Variants in ANO1 observed in about 807,000 individuals in gnomAD.
ANO1 encodes anoctamin-1.
ANO1 carries 59 observed loss-of-function variants against 124.0 expected under a neutral mutation model. The ratio of observed to expected loss-of-function variants is 0.48; its 90% CI spans 0.39 to 0.59. The LOEUF (loss-of-function observed/expected upper bound fraction) is 0.59, where lower values mean the gene tolerates loss of function less well. Ranked by LOEUF, ANO1 falls within the 20% of genes least tolerant of loss-of-function variation. ANO1 has a pLI of 0.00. For synonymous variants in ANO1, 529 were observed against 532.0 expected (o/e 0.99, Z 0.08); for missense variants, 1,059 against 1,328.0 (o/e 0.80, Z 3.15).
intron 1 of ANO1, among the ~76,000 whole-genome samples, chr11:69,989,636 G>A (rs1170106192): frequency 6.6e-6 from 1 of 152,124 alleles, no homozygotes; most frequent in Non-Finnish European, 1.5e-5. Flanking sequence ...GTAGGGTTTG[G>A]AGCAGGGAAG....
intron 1 of ANO1, among the ~76,000 whole-genome samples, chr11:69,987,600 G>T (rs1856069789): frequency 9.8e-6 from 1 of 102,368 alleles, no homozygotes; most frequent in Admixed American, 1.2e-4. Context: ...GCAAGACCAT[G>T]TCTCAAAAAA....
In ANO1 at chr11:69,986,687, C is replaced by T. The variant is rs528453769; in HGVS notation, c.58+521C>T. On this transcript the variant is annotated intron_variant, in intron 1 of 27. Coordinates refer to the ANO1 transcript ENST00000531349. ...CTTAGAGAGCCGGAGACAAATGAGG[C>T]CTGGACGCTAGGCCGGAGGGGGAGT... is the stretch of plus-strand genomic sequence containing the variant. Among the ~76,000 whole-genome samples the T allele has an allele frequency of 5.5e-4, 84 of 152,216 alleles. 1 individual carries two copies. The highest frequency in any genetic ancestry group is 2.0e-3 in the African/African-American group (82 of 41,536).
chr11:70,170,278 C>T (rs536306090), intron 21 of ANO1: 22 of 396,118 alleles, frequency 5.6e-5, no homozygotes, highest in South Asian at 1.8e-4. Context: ...TTTGAGCTCA[C>T]GATGGTCCTT....
rs1267814420 is a variant in ANO1 at position 70,155,832 on chromosome 11, C to T, written c.1426-79C>T. ...GGCCAGCCTGCTGCCAAGATGGGGA[C>T]GGTTCCCTGGGCCCCGCGGTCTGCG... On this transcript the variant is annotated intron_variant, in intron 14 of 25. Transcript: ENST00000355303. 26 of 1,337,650 alleles carry T rather than the reference C, an allele frequency of 1.9e-5. No homozygotes were observed. In the South Asian group the frequency reaches 2.9e-4, roughly 15 times the overall value. 82.9% of individuals were successfully genotyped at this position (1,337,650 alleles called of 1,614,324 possible).
the ANO1 span, among the ~76,000 whole-genome samples, chr11:69,979,534 T>C: frequency 6.6e-6 from 1 of 152,120 alleles, no homozygotes; most frequent in Admixed American, 6.6e-5. Context: ...ATAAAAATAA[T>C]AAAGTGGATA....
At chr11:69,975,055 C>G in the ANO1 span, among the ~76,000 whole-genome samples, 3 of 152,192 alleles carry the variant, frequency 2.0e-5, no homozygotes, top group Non-Finnish European at 4.4e-5. Flanking sequence ...CGTCCCACCC[C>G]ACGCTGCTGC....
chr11:70,165,739 G>A (rs1437202753), intron 20 of ANO1, among the ~76,000 whole-genome samples, 169 bp downstream of exon 20: 1 of 152,162 alleles, frequency 6.6e-6, no homozygotes, highest in African/African-American at 2.4e-5. Context: ...AGCCACCCCA[G>A]GCCAGGCATG....
At chr11:70,136,839 G>A (rs1451670750) in intron 11 of ANO1, among the ~76,000 whole-genome samples, 1 of 147,842 alleles carries the variant, frequency 6.8e-6, no homozygotes, top group Admixed American at 7.1e-5. Flanking sequence ...TCTCTTCGTG[G>A]ACAAAGGCGT....
intron 16 of ANO1, 43 bp downstream of exon 16, chr11:70,157,064 C>G (rs751147282): frequency 6.4e-7 from 1 of 1,565,208 alleles, no homozygotes; most frequent in East Asian, 2.3e-5. Flanking sequence ...CAGGGGAAAC[C>G]GCAAGGAAGT....
chr11:70,101,605 A>C (rs951357066), intron 2 of ANO1, among the ~76,000 whole-genome samples: 80 of 151,304 alleles, frequency 5.3e-4, no homozygotes, highest in Non-Finnish European at 8.4e-4. Context: ...AAAAAAAAAA[A>C]AACTCATCCC....
chr11:70,124,698 T>C (rs2515260), intron 9 of ANO1, among the ~76,000 whole-genome samples: 4 of 151,972 alleles, frequency 2.6e-5, no homozygotes, highest in Non-Finnish European at 4.4e-5. Context: ...GGCGGGAGGG[T>C]TTTCCGGATT....
At chr11:70,165,431 T>A (rs1308586674) in intron 19 of ANO1, 39 bp from the exon 20 acceptor site, 1 of 1,543,252 alleles carries the variant, frequency 6.5e-7, no homozygotes, top group Admixed American at 1.8e-5. Flanking sequence ...CCTCTCTCGG[T>A]GTCCCTGTAG....
At chr11:70,036,209 C>T (rs375998366) in intron 1 of ANO1, among the ~76,000 whole-genome samples, 23 of 152,306 alleles carry the variant, frequency 1.5e-4, no homozygotes, top group African/African-American at 5.5e-4. Flanking sequence ...TTGCCCCGTA[C>T]AGTCCCTGGT....
rs746598808 is a variant in ANO1 at position 70,126,205 on chromosome 11, A to G, written c.1097+10A>G. The G allele has an allele frequency of 6.2e-7, 1 of 1,609,702 alleles. No individual in the cohort carries two copies. The highest frequency in any genetic ancestry group is 1.8e-4 in the Middle Eastern group (1 of 5,616). On this transcript the variant is annotated intron_variant, in intron 10 of 25. Transcript: ENST00000355303. ...ATGAAAACATCCCCAGGTAGGCGGC[A>G]GCCCACCCCCACCACCCCGCAGTAC...
intron 1 of ANO1, among the ~76,000 whole-genome samples, chr11:70,003,779 T>C (rs1462874505): frequency 3.3e-5 from 5 of 152,114 alleles, no homozygotes; most frequent in Admixed American, 6.5e-5. Context: ...ACAGAATTGA[T>C]TGAGCAGGTG....
In ANO1 at chr11:70,107,708, G is replaced by A. The variant is rs568813911; in HGVS notation, c.748-645G>A. On this transcript the variant is annotated intron_variant, in intron 5 of 25. Coordinates refer to ENST00000355303, the MANE Select transcript of ANO1 (RefSeq NM_018043.7). Reference sequence around the variant, plus strand: ...CACAGCTGCAAATGGCAGAGCTGGCGCCAGGTTCCAGGCAGACAGACTCCC... The same window carrying A: ...CACAGCTGCAAATGGCAGAGCTGGCACCAGGTTCCAGGCAGACAGACTCCC... Among the ~76,000 whole-genome samples, 438 of 152,266 alleles carry A rather than the reference G, an allele frequency of 2.9e-3. 1 individual carries two copies. The highest frequency in any genetic ancestry group is 4.4e-3 in the Non-Finnish European group (300 of 67,992).
intron 1 of ANO1, among the ~76,000 whole-genome samples, chr11:70,021,664 C>G (rs1038608739): frequency 1.3e-5 from 2 of 152,226 alleles, no homozygotes; most frequent in South Asian, 4.2e-4. Flanking sequence ...CCATGTCGAT[C>G]GTCTGAGAAA....
At chr11:69,983,075 C>T (rs1855972691), upstream of ANO1, among the ~76,000 whole-genome samples, 1 of 152,050 alleles carries the variant, frequency 6.6e-6, no homozygotes, top group African/African-American at 2.4e-5. Context: ...CAGCTCTGAG[C>T]TGACATCTGC....
At chr11:70,066,825 C>A (rs556536680) in intron 1 of ANO1, among the ~76,000 whole-genome samples, 5 of 152,282 alleles carry the variant, frequency 3.3e-5, no homozygotes, top group Non-Finnish European at 7.4e-5. Context: ...GACCAGTCAG[C>A]CCCAGGAGGG....
Sources: allele counts gnomAD v4.1 joint callset (sites outside exome capture counted in the v4.1 genomes callset), GRCh38; gene constraint gnomAD v4.1.1; transcripts MANE v1.5; gene names NCBI Gene and HGNC (gene_info 2026-07-23, HGNC 2026-07-21).